Variants in HEMK2 observed in about 807,000 individuals in gnomAD.
The protein encoded by HEMK2 is HemK methyltransferase 2, ETF1 glutamine and histone H4 lysine.
the HEMK2 span, among the ~76,000 whole-genome samples, chr21:28,733,344 T>C: frequency 6.6e-6 from 1 of 152,202 alleles, no homozygotes; most frequent in African/African-American, 2.4e-5. Flanking sequence ...ACATGAATTG[T>C]GTGGTCTTCC....
chr21:28,747,872 G>C, the HEMK2 span, among the ~76,000 whole-genome samples: 4 of 152,326 alleles, frequency 2.6e-5, no homozygotes, highest in African/African-American at 9.6e-5. Context: ...CAGTCTGTAA[G>C]AAATTAAAAG....
the HEMK2 span, among the ~76,000 whole-genome samples, chr21:28,694,628 A>AT: frequency 0.14 from 20,465 of 150,134 alleles, 1,518 homozygotes; most frequent in African/African-American, 0.18. Flanking sequence ...TCCCTCCTCT[A>AT]TTTTTTTTTG....
At chr21:28,729,875 T>C in the HEMK2 span, among the ~76,000 whole-genome samples, 1 of 152,164 alleles carries the variant, frequency 6.6e-6, no homozygotes, top group Non-Finnish European at 1.5e-5. Flanking sequence ...CCAGTTTTTC[T>C]AATTAAAAAA....
chr21:28,790,587 T>C, the HEMK2 span, among the ~76,000 whole-genome samples: 1 of 152,060 alleles, frequency 6.6e-6, no homozygotes, highest in Admixed American at 6.6e-5. Context: ...GATTATCTGA[T>C]GGAACAATTC....
the HEMK2 span, among the ~76,000 whole-genome samples, chr21:28,815,358 A>G: frequency 3.9e-5 from 6 of 152,040 alleles, no homozygotes; most frequent in African/African-American, 1.4e-4. Flanking sequence ...CATGTACCCT[A>G]AAACTTGAAG....
the HEMK2 span, among the ~76,000 whole-genome samples, chr21:28,634,490 T>C: frequency 6.6e-6 from 1 of 152,188 alleles, no homozygotes; most frequent in Admixed American, 6.5e-5. Context: ...AGTAGATAAG[T>C]AGCTATTAAG....
At chr21:28,733,062 A>G in the HEMK2 span, among the ~76,000 whole-genome samples, 2 of 152,142 alleles carry the variant, frequency 1.3e-5, no homozygotes, top group Admixed American at 6.5e-5. Context: ...GGTGGATCAC[A>G]AGGTCAGGAG....
chr21:28,675,801 A>T, the HEMK2 span, among the ~76,000 whole-genome samples: 1 of 152,206 alleles, frequency 6.6e-6, no homozygotes, highest in Non-Finnish European at 1.5e-5. Flanking sequence ...TTGGAGTCAG[A>T]CACACTTTTC....
At chr21:28,689,580 A>T in the HEMK2 span, among the ~76,000 whole-genome samples, 1 of 152,216 alleles carries the variant, frequency 6.6e-6, no homozygotes, top group South Asian at 2.1e-4. Context: ...GTATAAGGCG[A>T]TCACACCTTT....
At chr21:28,591,269 TGG>T in the HEMK2 span, among the ~76,000 whole-genome samples, 1 of 152,102 alleles carries the variant, frequency 6.6e-6, no homozygotes, top group Non-Finnish European at 1.5e-5. Context: ...AACAGACACT[TGG>T]GTATGGAAGG....
the HEMK2 span, among the ~76,000 whole-genome samples, chr21:28,650,635 G>C: frequency 6.6e-6 from 1 of 152,174 alleles, no homozygotes; most frequent in African/African-American, 2.4e-5. Flanking sequence ...AACTGTGTGA[G>C]ATGAGTTCAG....
the HEMK2 span, among the ~76,000 whole-genome samples, chr21:28,796,705 C>T: frequency 2.6e-5 from 4 of 152,252 alleles, no homozygotes; most frequent in African/African-American, 7.2e-5. Flanking sequence ...GCTGGGACCA[C>T]AGGTACATGC....
the HEMK2 span, among the ~76,000 whole-genome samples, chr21:28,825,547 G>A: frequency 6.6e-6 from 1 of 152,196 alleles, no homozygotes; most frequent in Non-Finnish European, 1.5e-5. Context: ...AAGAGGATCT[G>A]GAGTACTAGG....
the HEMK2 span, among the ~76,000 whole-genome samples, chr21:28,644,763 T>C: frequency 6.6e-6 from 1 of 152,210 alleles, no homozygotes; most frequent in African/African-American, 2.4e-5. Flanking sequence ...TCATAATAAA[T>C]TGGCTAATTT....
chr21:28,815,452 C>G, the HEMK2 span, among the ~76,000 whole-genome samples: 2 of 151,990 alleles, frequency 1.3e-5, no homozygotes, highest in African/African-American at 2.4e-5. Flanking sequence ...GTTAGTCTCT[C>G]CCACATCCTA....
the HEMK2 span, among the ~76,000 whole-genome samples, chr21:28,729,019 AGT>A: frequency 6.6e-6 from 1 of 152,212 alleles, no homozygotes; most frequent in Non-Finnish European, 1.5e-5. Flanking sequence ...TGGGACTGAG[AGT>A]GTACTCATTT....
chr21:28,780,823 C>T, the HEMK2 span, among the ~76,000 whole-genome samples: 2 of 152,144 alleles, frequency 1.3e-5, no homozygotes, highest in Non-Finnish European at 2.9e-5. Context: ...TTTCAACCCC[C>T]CCTCCTGGTG....
chr21:28,584,242 G>T, the HEMK2 span, among the ~76,000 whole-genome samples: 1 of 152,166 alleles, frequency 6.6e-6, no homozygotes, highest in Non-Finnish European at 1.5e-5. Flanking sequence ...TGGTGGAGCT[G>T]CCATTCAACA....
chr21:28,688,999 C>G, the HEMK2 span, among the ~76,000 whole-genome samples: 6 of 152,166 alleles, frequency 3.9e-5, no homozygotes, highest in Admixed American at 3.9e-4. Flanking sequence ...CAATATGGCA[C>G]ACAAAGCTGA....
Sources: allele counts gnomAD v4.1 joint callset (sites outside exome capture counted in the v4.1 genomes callset), GRCh38; gene constraint gnomAD v4.1.1; transcripts MANE v1.5; gene names NCBI Gene and HGNC (gene_info 2026-07-23, HGNC 2026-07-21).